The following JPH3 variants were observed in gnomAD, a reference collection of about 807,000 sequenced individuals.
JPH3 encodes the protein junctophilin-3.
A neutral mutation model predicts 59.6 loss-of-function variants in JPH3; 11 were observed. The ratio of observed to expected loss-of-function variants is 0.18; its 90% CI spans 0.12 to 0.31. JPH3 has a LOEUF of 0.31. Among genes scored for constraint, JPH3 ranks in the 10% least tolerant of loss-of-function variants. The pLI is 1.00. For missense variants in JPH3, 1,202 were observed against 1,105.7 expected, an observed-to-expected ratio of 1.09 and a Z score of -1.24; for synonymous variants, 673 against 483.6, an observed-to-expected ratio of 1.39 and a Z score of -5.14.
intron 2 of JPH3, among the ~76,000 whole-genome samples, chr16:87,681,698 G>T (rs1049043877): frequency 6.6e-6 from 1 of 152,128 alleles, no homozygotes; most frequent in African/African-American, 2.4e-5. Flanking sequence ...GGTGCATGCG[G>T]TGATTGTTCC....
At chr16:87,665,375 C>T (rs898669302) in intron 2 of JPH3, among the ~76,000 whole-genome samples, 1 of 152,230 alleles carries the variant, frequency 6.6e-6, no homozygotes, top group Non-Finnish European at 1.5e-5. Context: ...CCTGGAGAAC[C>T]GACAGCACCG....
rs1555534453 is a variant in JPH3, at chr16:87,620,488, A to AGAGAAGGAGAGGAGAGAGG, written c.382+16963_382+16964insAAGGAGAGGAGAGAGGGAG. On this transcript the variant is annotated intron_variant, in intron 1 of 4. Transcript: ENST00000284262. ...AGGGAGAGAAGGAGAGAAGAGAGGGAGAGGGGGAGGGGAAGAAGGAGAAAA... is the reference window on the plus strand; with the variant it reads ...AGGGAGAGAAGGAGAGAAGAGAGGGAGAGAAGGAGAGGAGAGAGGGAGGGGGAGGGGAAGAAGGAGAAAA... 6.5e-4 allele frequency among the ~76,000 whole-genome samples: 65 copies of AGAGAAGGAGAGGAGAGAGG among 99,970 alleles called. No homozygotes were observed. The East Asian group carries it at 0.014, about 21-fold the overall frequency. The allele number at this position is 99,970 out of a possible 152,430, so 65.6% of individuals were successfully genotyped here. A position where few individuals can be genotyped will look rare whatever the true frequency, so the allele number is the denominator to read the frequency against.
intron 1 of JPH3, among the ~76,000 whole-genome samples, chr16:87,629,635 A>G (rs980866189): frequency 1.6e-5 from 2 of 122,638 alleles, no homozygotes; most frequent in African/African-American, 3.1e-5. Flanking sequence ...GTTCTGGAAG[A>G]GGTGGAACTC....
At position 87,698,019 on chromosome 16, in the gene JPH3, C is replaced by A. The variant is rs1378077146; in HGVS notation, c.*1359C>A. ...TCCGGTCGTCTTGGGGCCAGCCCGT[C>A]TTATGGACTCTGCCTTGCTTTGCTT... On this transcript the variant is annotated 3_prime_UTR_variant, in exon 5 of 5. Transcript: ENST00000284262. 6.6e-6 allele frequency: 1 copy of A among 152,656 alleles called. No individual in the cohort carries two copies. The highest frequency in any genetic ancestry group is 1.5e-5 in the Non-Finnish European group (1 of 68,062). 9.5% of individuals were successfully genotyped at this position (152,656 alleles called of 1,614,324 possible).
chr16:87,603,616 G>T (rs937043744), intron 1 of JPH3, 88 bp downstream of exon 1: 165 of 1,444,162 alleles, frequency 1.1e-4, no homozygotes, highest in Non-Finnish European at 1.5e-4. Flanking sequence ...AAGTTGAGCT[G>T]CGTCCTCCGG....
At chr16:87,688,460 C>T (rs2033471616) in intron 3 of JPH3, among the ~76,000 whole-genome samples, 1 of 132,962 alleles carries the variant, frequency 7.5e-6, no homozygotes, top group Non-Finnish European at 1.5e-5. Flanking sequence ...CCTTCTCCTG[C>T]CAAAAGGTCA....
chr16:87,668,951 A>G (rs2032945821), intron 2 of JPH3, among the ~76,000 whole-genome samples: 2 of 151,952 alleles, frequency 1.3e-5, no homozygotes, highest in African/African-American at 4.8e-5. Context: ...GGCTCCAGGT[A>G]GCTGCACACG....
intron 2 of JPH3, among the ~76,000 whole-genome samples, chr16:87,656,906 C>T (rs1039194238): frequency 3.9e-5 from 6 of 152,198 alleles, no homozygotes; most frequent in African/African-American, 7.2e-5. Flanking sequence ...GGCTCCTTCT[C>T]GCTCTGTTCA....
intron 4 of JPH3, chr16:87,694,939 T>C (rs2033752622): frequency 4.0e-6 from 1 of 247,430 alleles, no homozygotes; most frequent in African/African-American, 2.3e-5. Context: ...TTCCCCGCTG[T>C]GTGTTCATCC....
At chr16:87,675,404 C>T (rs1412263747) in intron 2 of JPH3, among the ~76,000 whole-genome samples, 1 of 152,238 alleles carries the variant, frequency 6.6e-6, no homozygotes, top group Non-Finnish European at 1.5e-5. Flanking sequence ...CTTCCTCTTG[C>T]TCCTGGGCAG....
intron 1 of JPH3, among the ~76,000 whole-genome samples, chr16:87,634,865 C>A (rs57256117): frequency 6.6e-6 from 1 of 152,190 alleles, no homozygotes; most frequent in Non-Finnish European, 1.5e-5. Flanking sequence ...ATCAGCTCAG[C>A]GTAGGTTTCA....
Position 87,644,133 on chromosome 16 carries a change from G to GCCA in JPH3, c.383-125_383-124insCCA, listed in dbSNP as rs2032049796. 7.6e-6 allele frequency: 8 copies of GCCA among 1,047,248 alleles called. No individual in the cohort carries two copies. The East Asian group carries it at 2.0e-4, about 26-fold the overall frequency. 64.9% of individuals were successfully genotyped at this position (1,047,248 alleles called of 1,614,324 possible). A position where few individuals can be genotyped will look rare whatever the true frequency, so the allele number is the denominator to read the frequency against. ...AGCCTGGGCAACACAGCGAGAACCT[G>GCCA]TCTCAAAAAACACAAAACAACAGGA... On this transcript the variant is annotated intron_variant, in intron 1 of 4. Transcript: ENST00000284262.
chr16:87,690,377 C>T lies in JPH3; in HGVS notation c.2017C>T (p.Pro673Ser), dbSNP rs1188645855. ...CTTCAGGCCGGCCTCCTCCGCGGAGCCCGCCGTGCAGAAACTGGCGAGCCT... is the reference window on the plus strand; with the variant it reads ...CTTCAGGCCGGCCTCCTCCGCGGAGTCCGCCGTGCAGAAACTGGCGAGCCT... The part of the protein sequence containing the change: ...ENFRPASSAE[P>S]AVQKLASLRL... The change falls in exon 4 of 5, where the codon CCC becomes TCC. Residue 673 changes from proline to serine, a missense_variant. Transcript: ENST00000284262. 1 of 1,533,952 alleles carries T rather than the reference C, an allele frequency of 6.5e-7. No homozygotes were observed. Among genetic ancestry groups the T allele is most frequent in the African/African-American group, 1.4e-5 (1 of 72,178 alleles).
chr16:87,602,919 G>T lies in JPH3; in HGVS notation c.-228G>T. 1 of 467,814 alleles carries T rather than the reference G, an allele frequency of 2.1e-6. No individual in the cohort carries two copies. The highest frequency in any genetic ancestry group is 4.0e-5 in the East Asian group (1 of 24,706). 29.0% of individuals were successfully genotyped at this position (467,814 alleles called of 1,614,324 possible). A position where few individuals can be genotyped will look rare whatever the true frequency, so the allele number is the denominator to read the frequency against. ...TCTCCAGCGGGAGCGCGAGACGCTG[G>T]TCAGGCTCCGCGGCGCAGCTCGAAA... On this transcript the variant is annotated 5_prime_UTR_variant, in exon 1 of 5. Coordinates refer to ENST00000284262, the MANE Select transcript of JPH3 (RefSeq NM_020655.4).
chr16:87,644,153 A>G lies in JPH3; in HGVS notation c.383-105A>G, dbSNP rs150562175. On this transcript the variant is annotated intron_variant, in intron 1 of 4. Transcript: ENST00000284262. The stretch of plus-strand genomic sequence containing the variant: ...AACCTGTCTCAAAAAACACAAAACA[A>G]CAGGAAGCTCAGACAGGACTGTGGC... 6.3e-4 allele frequency: 782 copies of G among 1,236,624 alleles called. 6 individuals are homozygous for G. The East Asian group carries it at 0.017, about 28-fold the overall frequency. The allele number at this position is 1,236,624 out of a possible 1,614,324, so 76.6% of individuals were successfully genotyped here. A position where few individuals can be genotyped will look rare whatever the true frequency, so the allele number is the denominator to read the frequency against.
At chr16:87,679,679 G>C (rs1001443657) in intron 2 of JPH3, among the ~76,000 whole-genome samples, 1 of 152,256 alleles carries the variant, frequency 6.6e-6, no homozygotes. Flanking sequence ...GTGTGTGCAC[G>C]TGTGGGTCTG....
intron 2 of JPH3, among the ~76,000 whole-genome samples, chr16:87,659,127 C>A (rs1380030718): frequency 1.3e-5 from 2 of 152,022 alleles, no homozygotes; most frequent in Admixed American, 1.3e-4. Flanking sequence ...TAATCTCAGC[C>A]CTTTGGGAGG....
chr16:87,681,528 G>A (rs1414725582), intron 2 of JPH3, among the ~76,000 whole-genome samples: 3 of 132,320 alleles, frequency 2.3e-5, no homozygotes, highest in Non-Finnish European at 3.2e-5. Flanking sequence ...GGTCAGGTGC[G>A]CGCGGTCGTG....
At chr16:87,660,753 A>G (rs1209893491) in intron 2 of JPH3, among the ~76,000 whole-genome samples, 1 of 152,170 alleles carries the variant, frequency 6.6e-6, no homozygotes, top group Non-Finnish European at 1.5e-5. Context: ...TCACTGTGCT[A>G]GTCTGTAGGA....
Sources: allele counts gnomAD v4.1 joint callset (sites outside exome capture counted in the v4.1 genomes callset), GRCh38; gene constraint gnomAD v4.1.1; transcripts MANE v1.5; gene names NCBI Gene and HGNC (gene_info 2026-07-23, HGNC 2026-07-21).